The following SLC16A9 variants were observed in gnomAD, a reference collection of about 807,000 sequenced individuals.
The protein encoded by SLC16A9 is solute carrier family 16 member 9.
Under a neutral mutation model 44.3 loss-of-function variants are expected in SLC16A9, and 26 were observed. That is an observed-to-expected ratio of 0.59 (90% CI 0.43 to 0.81). The LOEUF (loss-of-function observed/expected upper bound fraction) is 0.81. SLC16A9 is among the 40% of genes least tolerant of loss of function. The pLI is 0.00. For synonymous variants in SLC16A9, 230 were observed against 225.1 expected, an observed-to-expected ratio of 1.02 and a Z score of -0.19; for missense variants, 559 against 595.8, an observed-to-expected ratio of 0.94 and a Z score of 0.64.
At chr10:59,707,069 T>C (rs1840655477) in intron 1 of SLC16A9, among the ~76,000 whole-genome samples, 1 of 147,488 alleles carries the variant, frequency 6.8e-6, no homozygotes, top group African/African-American at 2.5e-5. Context: ...TTGGGAACCA[T>C]GGCGAAACCC....
At chr10:59,656,411 C>T (rs575322978) in intron 4 of SLC16A9, among the ~76,000 whole-genome samples, 2 of 152,314 alleles carry the variant, frequency 1.3e-5, no homozygotes, top group East Asian at 1.9e-4. Context: ...AATAAATAAA[C>T]AACTTTCCTA....
At chr10:59,673,749 C>A (rs1449245654) in intron 2 of SLC16A9, among the ~76,000 whole-genome samples, 1 of 152,134 alleles carries the variant, frequency 6.6e-6, no homozygotes, top group African/African-American at 2.4e-5. Context: ...GAACACAGCA[C>A]GCTGTAAAAC....
chr10:59,684,526 TG>T (rs1314425230), intron 1 of SLC16A9, among the ~76,000 whole-genome samples, 199 bp from the exon 2 acceptor site: 1 of 151,914 alleles, frequency 6.6e-6, no homozygotes, highest in Non-Finnish European at 1.5e-5. Flanking sequence ...TGTAGACACA[TG>T]GTACAATTTT....
rs757539013 is a variant in SLC16A9 at position 59,664,259 on chromosome 10, C to T, written c.404G>A (p.Arg135His). 10 of 1,611,842 alleles carry T rather than the reference C, an allele frequency of 6.2e-6. No individual in the cohort carries two copies. The highest frequency in any genetic ancestry group is 3.3e-5 in the Admixed American group (2 of 59,822). ...AATCAGGCCAAGCGCTAGGCCTCGGCGATCGTCAAAATACTGGCACGTAAT... is the reference window on the plus strand; with the variant it reads ...AATCAGGCCAAGCGCTAGGCCTCGGTGATCGTCAAAATACTGGCACGTAAT... The part of the protein sequence containing the change: ...VTITCQYFDD[R>H]RGLALGLIST... Residue 135 changes from arginine (R) to histidine (H), a missense_variant, in exon 4 of 6, where the codon CGC becomes CAC. By Grantham distance (29) the Arg-to-His change is conservative. Transcript: ENST00000395348.
At chr10:59,653,246 C>T (rs543661622) in intron 5 of SLC16A9, among the ~76,000 whole-genome samples, 8 of 149,460 alleles carry the variant, frequency 5.4e-5, no homozygotes, top group Admixed American at 1.3e-4. Flanking sequence ...GGTGAAACCC[C>T]GTCTCTACTA....
At chr10:59,685,449 G>A (rs1404223160) in intron 1 of SLC16A9, among the ~76,000 whole-genome samples, 2 of 152,220 alleles carry the variant, frequency 1.3e-5, no homozygotes, top group African/African-American at 2.4e-5. Flanking sequence ...GCATACACTG[G>A]CAAACTCAAG....
chr10:59,681,629 ATATGTATATGTGTATGTG>A (rs1320603176), intron 2 of SLC16A9, among the ~76,000 whole-genome samples: 1 of 83,044 alleles, frequency 1.2e-5, no homozygotes, highest in Admixed American at 1.4e-4. Context: ...TATATGATGT[ATATGTATATGTGTATGTG>A]TATGTATATG....
intron 2 of SLC16A9, among the ~76,000 whole-genome samples, chr10:59,674,062 G>A (rs985589272): frequency 6.6e-6 from 1 of 152,132 alleles, no homozygotes; most frequent in African/African-American, 2.4e-5. Flanking sequence ...CCAAACTTGC[G>A]GGGTATTGCT....
At position 59,675,167 on chromosome 10, in the gene SLC16A9, G is replaced by A. The variant is rs551263586; in HGVS notation, c.197-2254C>T. On this transcript the variant is annotated intron_variant, in intron 2 of 5. Coordinates refer to ENST00000395348, the MANE Select transcript of SLC16A9 (RefSeq NM_194298.3). Reference sequence around the variant, plus strand: ...AAAAAATTTTAGAGCTGAAATTTTGGAAGTTGAAAACGGTCTAAACACCTC... The same window carrying A: ...AAAAAATTTTAGAGCTGAAATTTTGAAAGTTGAAAACGGTCTAAACACCTC... Among the ~76,000 whole-genome samples, 28 of 152,248 alleles carry A rather than the reference G, an allele frequency of 1.8e-4. No individual in the cohort carries two copies. The South Asian group carries it at 4.8e-3, about 26-fold the overall frequency.
chr10:59,707,237 AAGGAAAAGAGGGG>A (rs1840659636), intron 1 of SLC16A9, among the ~76,000 whole-genome samples: 1 of 138,034 alleles, frequency 7.2e-6, no homozygotes, highest in Non-Finnish European at 1.6e-5. Flanking sequence ...GAAAAGAGGG[AAGGAAAAGAGGGG>A]AGGGCAGAGG....
At chr10:59,656,877 A>G (rs555760847) in intron 4 of SLC16A9, among the ~76,000 whole-genome samples, 1 of 152,344 alleles carries the variant, frequency 6.6e-6, no homozygotes, top group African/African-American at 2.4e-5. Context: ...AGCACTAATT[A>G]TGCTTCCATG....
At position 59,654,532 on chromosome 10, in the gene SLC16A9, T is replaced by C. The variant is rs1839304306; in HGVS notation, c.494A>G (p.Tyr165Cys). The change falls in exon 5 of 6, where the codon TAT becomes TGT. Residue 165 changes from tyrosine (Y) to cysteine (C), a missense_variant. By Grantham distance (194) the Tyr-to-Cys change is radical (BLOSUM62 -2). Transcript: ENST00000395348. ...AALQRMLVEF[Y>C]GLDGCLLIVG... ...AATCAGCAAGCATCCATCCAGTCCA[T>C]AGAACTCAACCAGCATCCTCTGCAG... 6 of 1,607,802 alleles carry C rather than the reference T, an allele frequency of 3.7e-6. No individual in the cohort carries two copies. Among genetic ancestry groups the C allele is most frequent in the Admixed American group, 1.7e-5 (1 of 59,972 alleles).
In SLC16A9 at chr10:59,681,561, G is replaced by GATGTAT. The variant is rs1839998040; in HGVS notation, c.196+2529_196+2534dup. Among the ~76,000 whole-genome samples, 2 of 103,256 alleles carry GATGTAT rather than the reference G, an allele frequency of 1.9e-5. 1 individual carries two copies. The highest frequency in any genetic ancestry group is 8.0e-5 in the African/African-American group (2 of 25,152). 67.7% of individuals were successfully genotyped at this position (103,256 alleles called of 152,430 possible). Reference sequence around the variant, plus strand: ...TGTGTATGTATATGTATATGTATATGATGTATATGTATATGTGTATGTGTA... The same window carrying GATGTAT: ...TGTGTATGTATATGTATATGTATATGATGTATATGTATATGTATATGTGTATGTGTA... On this transcript the variant is annotated intron_variant, in intron 2 of 5. Coordinates refer to ENST00000395348, the MANE Select transcript of SLC16A9 (RefSeq NM_194298.3).
At chr10:59,704,835 A>G (rs949469160) in intron 1 of SLC16A9, among the ~76,000 whole-genome samples, 2 of 152,268 alleles carry the variant, frequency 1.3e-5, no homozygotes, top group Admixed American at 1.3e-4. Flanking sequence ...AACGTTTTGC[A>G]CAATTTATAC....
rs373998348 is a variant in SLC16A9, at chr10:59,653,919, A to C, written c.1107T>G (p.Ile369Met). ...TAGCAACATAAAGATACAAGGTATT[A>C]ATCCACTTGAAGTCAGCCAGTATCC... is the stretch of plus-strand genomic sequence containing the variant. ...LLGILADFKWINTLYLYVATL... is the reference protein window; with the variant it reads ...LLGILADFKWMNTLYLYVATL... The change falls in exon 5 of 6, where the codon ATT becomes ATG. Residue 369 changes from isoleucine to methionine, a missense_variant. By Grantham distance (10) the Ile-to-Met change is conservative. Coordinates refer to ENST00000395348, the MANE Select transcript of SLC16A9 (RefSeq NM_194298.3). 1.1e-5 allele frequency: 17 copies of C among 1,614,024 alleles called. No homozygotes were observed. The African/African-American group carries it at 2.1e-4, about 20-fold the overall frequency.
intron 4 of SLC16A9, among the ~76,000 whole-genome samples, chr10:59,663,537 T>G (rs1588966378): frequency 6.7e-6 from 1 of 149,556 alleles, no homozygotes; most frequent in East Asian, 2.0e-4. Context: ...ATGTTCTCAC[T>G]GATAAGTGGG....
chr10:59,688,440 T>C (rs1162220440), intron 1 of SLC16A9, among the ~76,000 whole-genome samples: 2 of 152,098 alleles, frequency 1.3e-5, no homozygotes, highest in Non-Finnish European at 2.9e-5. Flanking sequence ...ATGTTACAAT[T>C]AGTGAACAAA....
intron 1 of SLC16A9, among the ~76,000 whole-genome samples, chr10:59,693,635 T>C (rs971828207): frequency 1.4e-5 from 2 of 147,688 alleles, no homozygotes; most frequent in Non-Finnish European, 3.0e-5. Context: ...ATTTATTTAT[T>C]TTGAGATGGA....
intron 1 of SLC16A9, among the ~76,000 whole-genome samples, chr10:59,687,876 C>T (rs1840167089): frequency 1.3e-5 from 2 of 151,010 alleles, no homozygotes; most frequent in South Asian, 2.1e-4. Flanking sequence ...GGGAGGATGG[C>T]TTGAGTCCAG....
Sources: allele counts gnomAD v4.1 joint callset (sites outside exome capture counted in the v4.1 genomes callset), GRCh38; gene constraint gnomAD v4.1.1; transcripts MANE v1.5; gene names NCBI Gene and HGNC (gene_info 2026-07-23, HGNC 2026-07-21).